CHRM3: variants seen among roughly 807,000 people sequenced by gnomAD.
CHRM3 encodes the protein cholinergic receptor muscarinic 3, also known as muscarinic acetylcholine receptor M3.
CHRM3 carries 11 observed loss-of-function variants against 41.8 expected under a neutral mutation model. The ratio of observed to expected loss-of-function variants is 0.26; its 90% CI spans 0.17 to 0.44. The LOEUF (loss-of-function observed/expected upper bound fraction) is 0.44, where lower values mean the gene tolerates loss of function less well. Among genes scored for constraint, CHRM3 ranks in the 20% least tolerant of loss-of-function variants. CHRM3 has a pLI of 1.00. For synonymous variants in CHRM3, 297 were observed against 301.4 expected (o/e 0.99, Z 0.15); for missense variants, 571 against 745.4 (o/e 0.77, Z 2.72).
At chr1:239,884,053 T>G (rs1412275036) in intron 6 of CHRM3, among the ~76,000 whole-genome samples, 1 of 152,226 alleles carries the variant, frequency 6.6e-6, no homozygotes, top group Admixed American at 6.5e-5. Flanking sequence ...CTCAAGAGAA[T>G]AGCCAAACTT....
intron 1 of CHRM3, among the ~76,000 whole-genome samples, chr1:239,476,807 G>A (rs936423963): frequency 1.3e-5 from 2 of 152,040 alleles, no homozygotes; most frequent in Non-Finnish European, 2.9e-5. Context: ...CAACCTCCAC[G>A]TATATTTTCC....
intron 5 of CHRM3, among the ~76,000 whole-genome samples, chr1:239,813,928 A>AAAAAAAAAAAAAC (rs1558146322): frequency 6.8e-6 from 1 of 147,102 alleles, no homozygotes; most frequent in African/African-American, 2.7e-5. Flanking sequence ...AAAAAAAAAA[A>AAAAAAAAAAAAAC]AAAAAACTCA....
chr1:239,900,253 G>A (rs1252765897), intron 6 of CHRM3, among the ~76,000 whole-genome samples: 1 of 146,020 alleles, frequency 6.8e-6, no homozygotes, highest in Non-Finnish European at 1.5e-5. Flanking sequence ...GGTTATCACT[G>A]CTTCATTTGG....
intron 5 of CHRM3, among the ~76,000 whole-genome samples, chr1:239,700,075 A>T (rs1484589288): frequency 6.6e-6 from 1 of 152,084 alleles, no homozygotes; most frequent in Non-Finnish European, 1.5e-5. Context: ...ATTTTTTTTC[A>T]TGGAAGAAAG....
chr1:239,887,934 A>G (rs1002001651), intron 6 of CHRM3, among the ~76,000 whole-genome samples: 9 of 152,198 alleles, frequency 5.9e-5, no homozygotes, highest in Admixed American at 5.9e-4. Context: ...CAAAGCTTGT[A>G]TCTGTCCCTG....
intron 1 of CHRM3, among the ~76,000 whole-genome samples, chr1:239,465,851 C>T (rs1368469520): frequency 1.3e-5 from 2 of 151,434 alleles, no homozygotes; most frequent in Non-Finnish European, 2.9e-5. Flanking sequence ...CCCCTGCTTC[C>T]CTGTCTACCT....
intron 3 of CHRM3, among the ~76,000 whole-genome samples, chr1:239,564,962 C>A (rs1161450590): frequency 6.6e-6 from 1 of 152,124 alleles, no homozygotes; most frequent in African/African-American, 2.4e-5. Context: ...GCTGTGCTGT[C>A]CCCGGAGGCT....
chr1:239,517,428 A>G lies in CHRM3; in HGVS notation c.-422+24621A>G, dbSNP rs1418401696. Among the ~76,000 whole-genome samples the G allele has an allele frequency of 2.6e-5, 4 of 152,224 alleles. No individual in the cohort carries two copies. In the East Asian group the frequency reaches 7.7e-4, roughly 29 times the overall value. On this transcript the variant is annotated intron_variant, in intron 2 of 6. Coordinates refer to ENST00000676153, the MANE Select transcript of CHRM3 (RefSeq NM_001375978.1). ...AAGTTCAAGCTGCCCGACTTCTCAA[A>G]CCTCACTTTCCCATTTATTTTACAT...
chr1:239,872,091 A>G (rs2149325541), intron 6 of CHRM3, among the ~76,000 whole-genome samples: 1 of 152,348 alleles, frequency 6.6e-6, no homozygotes, highest in Middle Eastern at 3.4e-3. Context: ...GGGGATCTGC[A>G]GGTGAAAGGT....
chr1:239,900,957 TACA>T (rs1679502076), intron 6 of CHRM3, among the ~76,000 whole-genome samples: 1 of 152,150 alleles, frequency 6.6e-6, no homozygotes, highest in Non-Finnish European at 1.5e-5. Flanking sequence ...CTTAGCAGCT[TACA>T]ACAAGGTTCC....
At chr1:239,854,916 G>A (rs983476879) in intron 6 of CHRM3, among the ~76,000 whole-genome samples, 1 of 152,122 alleles carries the variant, frequency 6.6e-6, no homozygotes, top group African/African-American at 2.4e-5. Flanking sequence ...GCATTGCTCA[G>A]ACTCAAGAGT....
chr1:239,577,344 A>T (rs1323065606), intron 3 of CHRM3, among the ~76,000 whole-genome samples: 11 of 152,082 alleles, frequency 7.2e-5, no homozygotes, highest in Non-Finnish European at 1.5e-4. Context: ...TATTTTTGTA[A>T]TTGTTCAAAT....
rs1329652008 is a variant in CHRM3 at position 239,747,879 on chromosome 1, GA to G, written c.-147+69599del. 2.0e-5 allele frequency among the ~76,000 whole-genome samples: 3 copies of G among 151,776 alleles called. No homozygotes were observed. In the South Asian group the frequency reaches 6.2e-4, roughly 32 times the overall value. ...AAACCCCATCTCTACTAAAAATACA[GA>G]AAAAAAATTAGCTGGGCATGGTGTC... On this transcript the variant is annotated intron_variant, in intron 5 of 6. Coordinates refer to ENST00000676153, the MANE Select transcript of CHRM3 (RefSeq NM_001375978.1).
chr1:239,421,371 C>A (rs1661941387), intron 1 of CHRM3, among the ~76,000 whole-genome samples: 2 of 152,130 alleles, frequency 1.3e-5, no homozygotes, highest in Admixed American at 1.3e-4. Context: ...ACAGTGCTTT[C>A]AGCTCTTTAT....
At chr1:239,649,732 C>T (rs75026536) in intron 4 of CHRM3, among the ~76,000 whole-genome samples, 117 of 151,986 alleles carry the variant, frequency 7.7e-4, no homozygotes, top group African/African-American at 2.6e-3. Flanking sequence ...ATCTTGAGTG[C>T]GAGAGAAGGA....
At chr1:239,765,869 T>G (rs1305421183) in intron 5 of CHRM3, among the ~76,000 whole-genome samples, 1 of 150,268 alleles carries the variant, frequency 6.7e-6, no homozygotes, top group Non-Finnish European at 1.5e-5. Flanking sequence ...CAGGCTGGAG[T>G]GCAATGGTGT....
rs1008260353 is a variant in CHRM3, at chr1:239,914,725, TCATAAA to T, written c.*5506_*5511del. The T allele has an allele frequency of 3.0e-5, 5 of 167,070 alleles. No individual in the cohort carries two copies. The highest frequency in any genetic ancestry group is 9.7e-5 in the African/African-American group (4 of 41,450). 10.3% of individuals were successfully genotyped at this position (167,070 alleles called of 1,614,324 possible). A position where few individuals can be genotyped will look rare whatever the true frequency, so the allele number is the denominator to read the frequency against. On this transcript the variant is annotated 3_prime_UTR_variant, in exon 7 of 7. Transcript: ENST00000676153. The stretch of plus-strand genomic sequence containing the variant: ...GAAGTATCTGGAGGGCCTGGAGAGT[TCATAAA>T]CATAGTTTTCTGTGCAAGTGAAGAT...
chr1:239,766,076 AGT>A (rs1394467693), intron 5 of CHRM3, among the ~76,000 whole-genome samples: 1 of 152,174 alleles, frequency 6.6e-6, no homozygotes, highest in African/African-American at 2.4e-5. Context: ...GGTCTCCCAA[AGT>A]GCTGGGATTA....
intron 5 of CHRM3, among the ~76,000 whole-genome samples, chr1:239,804,572 G>A (rs185739245): frequency 3.3e-5 from 5 of 152,242 alleles, no homozygotes; most frequent in South Asian, 2.1e-4. Context: ...TTTTAAGAGA[G>A]TTTGTTTTTG....
Sources: allele counts gnomAD v4.1 joint callset (sites outside exome capture counted in the v4.1 genomes callset), GRCh38; gene constraint gnomAD v4.1.1; transcripts MANE v1.5; gene names NCBI Gene and HGNC (gene_info 2026-07-23, HGNC 2026-07-21).